Variants in ESF1 observed in about 807,000 individuals in gnomAD.
The protein encoded by ESF1 is ESF1 homolog.
Under a neutral mutation model 92.0 loss-of-function variants are expected in ESF1, and 58 were observed. The observed-to-expected ratio is 0.63, with a 90% CI of 0.51 to 0.78. ESF1 has a LOEUF of 0.78. Ranked by LOEUF, ESF1 falls within the 30% of genes least tolerant of loss-of-function variation. The pLI is 0.00. For missense variants in ESF1, 922 were observed against 989.1 expected (o/e 0.93, Z 0.91); for synonymous variants, 321 against 313.7 (o/e 1.02, Z -0.24).
At chr20:13,774,615 A>G (rs1979841107) in intron 4 of ESF1, among the ~76,000 whole-genome samples, 1 of 152,250 alleles carries the variant, frequency 6.6e-6, no homozygotes, top group African/African-American at 2.4e-5. Flanking sequence ...TTAAGTGTCC[A>G]GGATCACATA....
Position 13,759,856 on chromosome 20 carries a change from A to G in ESF1, c.1667-3T>C. On this transcript the variant is annotated splice_polypyrimidine_tract_variant and splice_region_variant and intron_variant, in intron 8 of 13. Transcript: ENST00000617257. Reference sequence around the variant, plus strand: ...TTCTACATTGACTCCATCATCACCTAATGAAAAAAAAATTCACTTAATACA... The same window carrying G: ...TTCTACATTGACTCCATCATCACCTGATGAAAAAAAAATTCACTTAATACA... The G allele has an allele frequency of 1.3e-6, 2 of 1,582,154 alleles. No homozygotes were observed. Among genetic ancestry groups the G allele is most frequent in the Non-Finnish European group, 1.7e-6 (2 of 1,171,126 alleles).
At position 13,771,535 on chromosome 20, in the gene ESF1, C is replaced by T. The variant is rs1187745911; in HGVS notation, c.1251-52G>A. 3 of 1,444,080 alleles carry T rather than the reference C, an allele frequency of 2.1e-6. No individual in the cohort carries two copies. In the African/African-American group the frequency reaches 4.3e-5, roughly 21 times the overall value. The allele number at this position is 1,444,080 out of a possible 1,614,324, so 89.5% of individuals were successfully genotyped here. A position where few individuals can be genotyped will look rare whatever the true frequency, so the allele number is the denominator to read the frequency against. ...TACTTATACAGAAACACAAAAATTTCCCTTTAAAAAATAAATGTAATTCTT... is the reference window on the plus strand; with the variant it reads ...TACTTATACAGAAACACAAAAATTTTCCTTTAAAAAATAAATGTAATTCTT... On this transcript the variant is annotated intron_variant, in intron 5 of 13. Coordinates refer to ENST00000617257, the MANE Select transcript of ESF1 (RefSeq NM_001276380.2).
intron 9 of ESF1, among the ~76,000 whole-genome samples, chr20:13,755,697 T>C (rs1249574665): frequency 6.6e-6 from 1 of 152,194 alleles, no homozygotes; most frequent in East Asian, 1.9e-4. Context: ...AATTGTATTA[T>C]TACATTTCCA....
chr20:13,735,448 C>T (rs918553559), intron 9 of ESF1, among the ~76,000 whole-genome samples: 1 of 152,026 alleles, frequency 6.6e-6, no homozygotes, highest in African/African-American at 2.4e-5. Flanking sequence ...ATTTAGTAAA[C>T]AGTTTTCAGG....
chr20:13,773,996 G>A (rs2147775884), intron 4 of ESF1, among the ~76,000 whole-genome samples: 1 of 152,174 alleles, frequency 6.6e-6, no homozygotes, highest in African/African-American at 2.4e-5. Flanking sequence ...TCAGGAGGCT[G>A]AGGCAGGAGA....
chr20:13,723,981 T>C (rs776214722), intron 11 of ESF1, among the ~76,000 whole-genome samples: 55 of 152,250 alleles, frequency 3.6e-4, no homozygotes, highest in Non-Finnish European at 3.4e-4. Flanking sequence ...ATCTGAGTTA[T>C]TTTATTTCTA....
At chr20:13,765,079 C>T (rs918857193) in intron 8 of ESF1, among the ~76,000 whole-genome samples, 17 of 151,972 alleles carry the variant, frequency 1.1e-4, no homozygotes, top group Non-Finnish European at 2.1e-4. Flanking sequence ...AAAAATTACC[C>T]GGGCATGGTG....
rs1256350433 is a variant in ESF1 at position 13,782,865 on chromosome 20, C to A, written c.276G>T (p.Lys92Asn). The A allele has an allele frequency of 6.2e-7, 1 of 1,606,906 alleles. No homozygotes were observed. The highest frequency in any genetic ancestry group is 8.5e-7 in the Non-Finnish European group (1 of 1,178,426). ...SGEDSKALSQ[K>N]KIKKKKTQTK... The stretch of plus-strand genomic sequence containing the variant: ...TCTGGGTTTTTTTCTTCTTTATTTT[C>A]TTTTGACTCAATGCTTTGCTATCTT... The change falls in exon 2 of 14, where the codon AAG becomes AAT. Residue 92 changes from lysine (K) to asparagine (N), a missense_variant. Physicochemically the swap from Lys to Asn is moderately conservative, Grantham distance 94. Transcript: ENST00000617257.
At chr20:13,744,892 A>G (rs1168240914) in intron 9 of ESF1, among the ~76,000 whole-genome samples, 1 of 152,096 alleles carries the variant, frequency 6.6e-6, no homozygotes, top group Non-Finnish European at 1.5e-5. Flanking sequence ...TATTTTGCCT[A>G]TTTGTTTACT....
Position 13,715,027 on chromosome 20 carries a change from T to G in ESF1, c.2403A>C (p.Glu801Asp), listed in dbSNP as rs781058889. Residue 801 changes from glutamate (E) to aspartate (D), a missense_variant, in exon 14 of 14, where the codon GAA (glutamate) becomes GAC (aspartate). Glu to Asp is a conservative substitution (Grantham distance 45). Transcript: ENST00000617257. ...EEKARQRERK[E>D]QELTQAIKKK... is the part of the protein sequence containing the mutation. ...TCTTTATTGCCTGAGTAAGTTCTTG[T>G]TCTTTCCGTTCTCTTTGCCGGGCCT... 1.9e-6 allele frequency: 3 copies of G among 1,614,106 alleles called. No homozygotes were observed. The highest frequency in any genetic ancestry group is 2.2e-5 in the East Asian group (1 of 44,874).
chr20:13,764,258 T>C (rs1979329684), intron 8 of ESF1, among the ~76,000 whole-genome samples: 1 of 152,230 alleles, frequency 6.6e-6, no homozygotes, highest in Non-Finnish European at 1.5e-5. Flanking sequence ...TTTTCATGAT[T>C]GGCAATTCTA....
intron 1 of ESF1, among the ~76,000 whole-genome samples, chr20:13,784,017 C>G (rs367638708): frequency 6.6e-6 from 1 of 152,264 alleles, no homozygotes; most frequent in East Asian, 1.9e-4. Context: ...TTCGATCATC[C>G]TTCAAAAGTA....
In ESF1 at chr20:13,772,639, A is replaced by G. The variant is rs147435979; in HGVS notation, c.1150-24T>C. 17 of 1,521,020 alleles carry G rather than the reference A, an allele frequency of 1.1e-5. No individual in the cohort carries two copies. In the African/African-American group the frequency reaches 2.2e-4, roughly 20 times the overall value. The allele number at this position is 1,521,020 out of a possible 1,614,324, so 94.2% of individuals were successfully genotyped here. On this transcript the variant is annotated intron_variant, in intron 4 of 13. Coordinates refer to ENST00000617257, the MANE Select transcript of ESF1 (RefSeq NM_001276380.2). ...ATCTAAACAGAAAAAAATAGGATCA[A>G]TGTAATTTGTACATTCCTTTACACA...
Position 13,775,142 on chromosome 20 carries a change from G to A in ESF1, c.1149+15C>T. On this transcript the variant is annotated intron_variant, in intron 4 of 13. Coordinates refer to ENST00000617257, the MANE Select transcript of ESF1 (RefSeq NM_001276380.2). ...TGCCTAGAAATATTTATTTCAAAATGAAATCAATTCTCACCTTGACGGAAA... is the reference window on the plus strand; with the variant it reads ...TGCCTAGAAATATTTATTTCAAAATAAAATCAATTCTCACCTTGACGGAAA... The A allele has an allele frequency of 1.5e-6, 2 of 1,349,910 alleles. No homozygotes were observed. The highest frequency in any genetic ancestry group is 2.0e-6 in the Non-Finnish European group (2 of 977,962). The allele number at this position is 1,349,910 out of a possible 1,614,324, so 83.6% of individuals were successfully genotyped here.
Position 13,771,392 on chromosome 20 carries a change from T to A in ESF1, c.1342A>T (p.Lys448Ter). ...AGGCCATCACAATCCTCATAAATTT[T>A]ACTAGCTGTTTCCGGAGAATCACAG... ...VDCDSPETASKIYEDCDGLEF... is the reference protein window; with the variant it reads ...VDCDSPETAS Residue 448 changes from lysine (K) to a stop codon, truncating the protein, a stop_gained, in exon 6 of 14, where the codon AAA becomes TAA. Coordinates refer to ENST00000617257, the MANE Select transcript of ESF1 (RefSeq NM_001276380.2). LOFTEE classifies it high-confidence loss of function. 6.2e-7 allele frequency: 1 copy of A among 1,612,984 alleles called. No individual in the cohort carries two copies. The highest frequency in any genetic ancestry group is 8.5e-7 in the Non-Finnish European group (1 of 1,179,596).
chr20:13,759,864 A>C lies in ESF1; in HGVS notation c.1667-11T>G, dbSNP rs911145162. On this transcript the variant is annotated splice_polypyrimidine_tract_variant and intron_variant, in intron 8 of 13. Transcript: ENST00000617257. ...TGACTCCATCATCACCTAATGAAAA[A>C]AAAATTCACTTAATACACAGAAACA... The C allele has an allele frequency of 6.3e-7, 1 of 1,579,770 alleles. No homozygotes were observed. Among genetic ancestry groups the C allele is most frequent in the Non-Finnish European group, 8.5e-7 (1 of 1,170,688 alleles).
intron 2 of ESF1, among the ~76,000 whole-genome samples, chr20:13,778,019 G>A (rs1176186452): frequency 6.6e-6 from 1 of 152,096 alleles, no homozygotes; most frequent in Non-Finnish European, 1.5e-5. Context: ...GCTCTTGATG[G>A]ATTCATAAAT....
chr20:13,768,840 T>C lies in ESF1; in HGVS notation c.1518+1067A>G, dbSNP rs78336464. ...TGAACCCAGAAGGCAGAGGTTGCAG[T>C]GAGCAGAGATCGCGCCACTGCACTC... On this transcript the variant is annotated intron_variant, in intron 7 of 13. Transcript: ENST00000617257. Among the ~76,000 whole-genome samples the C allele has an allele frequency of 4.8e-4, 66 of 136,350 alleles. No homozygotes were observed. In the East Asian group the frequency reaches 0.013, roughly 26 times the overall value. 89.5% of individuals were successfully genotyped at this position (136,350 alleles called of 152,430 possible). A position where few individuals can be genotyped will look rare whatever the true frequency, so the allele number is the denominator to read the frequency against.
In ESF1 at chr20:13,715,169, T is replaced by G; in HGVS notation, c.2263-2A>C. ...AAACCGTGCATCGTTAACATTTACC[T>G]GCAAATCCAAAAAAAAAAAAAATTA... On this transcript the variant is annotated splice_acceptor_variant, in intron 13 of 13. Transcript: ENST00000617257. LOFTEE classifies it high-confidence loss of function. 6.9e-7 allele frequency: 1 copy of G among 1,450,068 alleles called. No homozygotes were observed. The highest frequency in any genetic ancestry group is 1.6e-5 in the South Asian group (1 of 61,894). The allele number at this position is 1,450,068 out of a possible 1,614,324, so 89.8% of individuals were successfully genotyped here. A position where few individuals can be genotyped will look rare whatever the true frequency, so the allele number is the denominator to read the frequency against.
Sources: allele counts gnomAD v4.1 joint callset (sites outside exome capture counted in the v4.1 genomes callset), GRCh38; gene constraint gnomAD v4.1.1; transcripts MANE v1.5; gene names NCBI Gene and HGNC (gene_info 2026-07-23, HGNC 2026-07-21).